The following SPAST variants were observed in gnomAD, a reference collection of about 807,000 sequenced individuals.
SPAST encodes the protein spastic paraplegia 4 (autosomal dominant; spastin).
SPAST carries 30 observed loss-of-function variants against 76.6 expected under a neutral mutation model. The ratio of observed to expected loss-of-function variants is 0.39; its 90% CI spans 0.29 to 0.53. The LOEUF (loss-of-function observed/expected upper bound fraction) is 0.53. Ranked by LOEUF, SPAST falls within the 20% of genes least tolerant of loss-of-function variation. The probability of loss-of-function intolerance (pLI) is 0.68; values close to 1 mark genes in which losing one functional copy is unlikely to be tolerated. For missense variants in SPAST, 717 were observed against 770.5 expected (o/e 0.93, Z 0.82); for synonymous variants, 305 against 281.0 (o/e 1.09, Z -0.86).
In SPAST at chr2:32,136,545, T is replaced by A. The variant is rs1679541591; in HGVS notation, c.1246-18T>A. The A allele has an allele frequency of 6.3e-7, 1 of 1,582,224 alleles. No homozygotes were observed. Among genetic ancestry groups the A allele is most frequent in the African/African-American group, 1.3e-5 (1 of 74,422 alleles). On this transcript the variant is annotated intron_variant, in intron 9 of 16. Transcript: ENST00000315285. The stretch of plus-strand genomic sequence containing the variant: ...ATGTTGCATTTTATGTGTATAACAG[T>A]ATAATGCTTTGTTTTAGGTGGGAGA...
At chr2:32,076,322 T>G (rs1676961387) in intron 1 of SPAST, among the ~76,000 whole-genome samples, 1 of 152,208 alleles carries the variant, frequency 6.6e-6, no homozygotes, top group Non-Finnish European at 1.5e-5. Flanking sequence ...GGAAAATAAT[T>G]CTTTACCTTG....
intron 9 of SPAST, 147 bp downstream of exon 9, chr2:32,128,626 T>G: frequency 1.5e-6 from 1 of 668,932 alleles, no homozygotes; most frequent in Middle Eastern, 3.6e-4. Context: ...ATATCTATCT[T>G]CAGAGTAGAA....
intron 10 of SPAST, 48 bp from the exon 11 acceptor site, chr2:32,136,829 C>T: frequency 6.9e-7 from 1 of 1,443,230 alleles, no homozygotes; most frequent in Non-Finnish European, 9.7e-7. Flanking sequence ...TCAGATGACT[C>T]ACATAGCTTG....
chr2:32,105,526 G>A (rs972698782), intron 4 of SPAST, among the ~76,000 whole-genome samples: 1 of 152,192 alleles, frequency 6.6e-6, no homozygotes, highest in Non-Finnish European at 1.5e-5. Flanking sequence ...CTTTGGAGGA[G>A]AAGAGGCGCT....
chr2:32,125,305 C>G (rs1443842164), intron 7 of SPAST, among the ~76,000 whole-genome samples: 1 of 151,916 alleles, frequency 6.6e-6, no homozygotes, highest in African/African-American at 2.4e-5. Flanking sequence ...CTCACTGAAA[C>G]CTCCGCCTCC....
Position 32,091,289 on chromosome 2 carries a change from ATTATTATTC to A in SPAST, c.586+1685_586+1693del, listed in dbSNP as rs200797687. Among the ~76,000 whole-genome samples the A allele has an allele frequency of 8.5e-3, 851 of 100,444 alleles. 3 individuals are homozygous for A. Among genetic ancestry groups the A allele is most frequent in the Admixed American group, 0.012 (115 of 9,310 alleles). The allele number at this position is 100,444 out of a possible 152,430, so 65.9% of individuals were successfully genotyped here. A position where few individuals can be genotyped will look rare whatever the true frequency, so the allele number is the denominator to read the frequency against. On this transcript the variant is annotated intron_variant, in intron 3 of 16. Coordinates refer to ENST00000315285, the MANE Select transcript of SPAST (RefSeq NM_014946.4). ...TATTATTATTATTATTATTATTATT[ATTATTATTC>A]GAGATGGAGTCTTGCTTTGTTGCCC...
intron 4 of SPAST, among the ~76,000 whole-genome samples, chr2:32,104,910 G>T (rs1678260409): frequency 6.6e-6 from 1 of 152,132 alleles, no homozygotes; most frequent in African/African-American, 2.4e-5. Flanking sequence ...CAACTTTGGT[G>T]AATCTGACAA....
In SPAST at chr2:32,128,479, C is replaced by CGTGA. The variant is rs1224426961; in HGVS notation, c.1245+4_1245+7dup. ...GTGCTGCAAGTTTAACTTCAAAATACGTGAGTGCTCTGTTTCCAATATTGT... is the reference window on the plus strand; with the variant it reads ...GTGCTGCAAGTTTAACTTCAAAATACGTGAGTGAGTGCTCTGTTTCCAATATTGT... On this transcript the variant is annotated frameshift_variant and splice_region_variant. Transcript: ENST00000315285. LOFTEE classifies it high-confidence loss of function. 2 of 1,586,074 alleles carry CGTGA rather than the reference C, an allele frequency of 1.3e-6. No individual in the cohort carries two copies. The highest frequency in any genetic ancestry group is 2.7e-5 in the African/African-American group (2 of 74,372).
chr2:32,153,705 A>C (rs1004147983), intron 16 of SPAST, among the ~76,000 whole-genome samples: 6 of 152,312 alleles, frequency 3.9e-5, no homozygotes, highest in African/African-American at 2.4e-5. Flanking sequence ...ATAGATATTC[A>C]TTAACTCAGC....
intron 1 of SPAST, among the ~76,000 whole-genome samples, chr2:32,071,258 A>G (rs915861699): frequency 1.3e-5 from 2 of 152,196 alleles, no homozygotes; most frequent in East Asian, 1.9e-4. Context: ...GTTTCTCAGG[A>G]TATTCTAGGG....
chr2:32,154,545 A>G lies in SPAST; in HGVS notation c.*49A>G, dbSNP rs184964684. On this transcript the variant is annotated 3_prime_UTR_variant, in exon 17 of 17. Coordinates refer to ENST00000315285, the MANE Select transcript of SPAST (RefSeq NM_014946.4). ...GAACATTTTACTTAAAAGAGGAAACACAAGATCTTCAATGAACGTCATCGG... is the reference window on the plus strand; with the variant it reads ...GAACATTTTACTTAAAAGAGGAAACGCAAGATCTTCAATGAACGTCATCGG... 320 of 1,593,136 alleles carry G rather than the reference A, an allele frequency of 2.0e-4. 3 individuals carry two copies. In the African/African-American group the frequency reaches 3.7e-3, roughly 18 times the overall value.
At chr2:32,073,596 G>A (rs1166680685) in intron 1 of SPAST, among the ~76,000 whole-genome samples, 1 of 151,980 alleles carries the variant, frequency 6.6e-6, no homozygotes, top group African/African-American at 2.4e-5. Context: ...CATAAAGTGC[G>A]GAGATTACAG....
rs1558606097 is a variant in SPAST at position 32,064,143 on chromosome 2, C to CCCGGCG, written c.317_322dup (p.Ala106_Pro107dup). 1 of 1,565,484 alleles carries CCCGGCG rather than the reference C, an allele frequency of 6.4e-7. No individual in the cohort carries two copies. The highest frequency in any genetic ancestry group is 8.7e-7 in the Non-Finnish European group (1 of 1,155,886). ...CGCCAGCACCTGCCTCGGCCTCGGC[C>CCCGGCG]CCGGCGCCGGTGCCGGGCGGCGAGG... On this transcript the variant is annotated inframe_insertion, in exon 1 of 17. Transcript: ENST00000315285.
chr2:32,086,436 AGT>A (rs1677478273), intron 1 of SPAST, among the ~76,000 whole-genome samples: 1 of 150,890 alleles, frequency 6.6e-6, no homozygotes, highest in South Asian at 2.1e-4. Context: ...CCTGCACTCT[AGT>A]GTGGGTGACA....
chr2:32,149,424 A>G (rs1011930409), intron 16 of SPAST, among the ~76,000 whole-genome samples: 7 of 152,004 alleles, frequency 4.6e-5, no homozygotes, highest in South Asian at 2.1e-4. Flanking sequence ...TTAATATGGA[A>G]GACCTCCTTA....
At chr2:32,116,719 G>A (rs1007802802) in intron 7 of SPAST, among the ~76,000 whole-genome samples, 1 of 152,100 alleles carries the variant, frequency 6.6e-6, no homozygotes, top group Admixed American at 6.6e-5. Flanking sequence ...CACCCATTTC[G>A]GCCTCCCAGA....
rs773455529 is a variant in SPAST at position 32,114,746 on chromosome 2, A to G, written c.791A>G (p.His264Arg). 1.7e-5 allele frequency: 27 copies of G among 1,614,146 alleles called. No individual in the cohort carries two copies. Among genetic ancestry groups the G allele is most frequent in the Non-Finnish European group, 2.1e-5 (25 of 1,179,990 alleles). ...GGATCTGCAGGCCTTTCAGGCCACC[A>G]TAGAGCACCTAGTTACAGTGGTTTA... ...KTGSAGLSGHHRAPSYSGLSM... is the reference protein window; with the variant it reads ...KTGSAGLSGHRRAPSYSGLSM... The change falls in exon 5 of 17, where the codon CAT becomes CGT. Residue 264 changes from histidine (H) to arginine (R), a missense_variant. Physicochemically the swap from His to Arg is conservative, Grantham distance 29 (BLOSUM62 0). This residue lies in a region of SPAST where 543 missense variants were observed against 445.2 expected (regional missense o/e 1.22). Coordinates refer to ENST00000315285, the MANE Select transcript of SPAST (RefSeq NM_014946.4).
intron 4 of SPAST, 137 bp downstream of exon 4, chr2:32,099,028 T>C (rs1678023106): frequency 1.4e-6 from 1 of 708,068 alleles, no homozygotes; most frequent in Non-Finnish European, 2.6e-6. Flanking sequence ...GTTGAAAATA[T>C]AGTACCTTTA....
At chr2:32,107,602 G>A (rs978624687) in intron 4 of SPAST, among the ~76,000 whole-genome samples, 8 of 152,090 alleles carry the variant, frequency 5.3e-5, no homozygotes, top group African/African-American at 1.7e-4. Flanking sequence ...AGGAAATACT[G>A]GAGTATTTTG....
Sources: allele counts gnomAD v4.1 joint callset (sites outside exome capture counted in the v4.1 genomes callset), GRCh38; gene constraint gnomAD v4.1.1; regional missense constraint gnomAD v4.1.1; transcripts MANE v1.5; gene names NCBI Gene and HGNC (gene_info 2026-07-23, HGNC 2026-07-21).